CCDC178: variants seen among roughly 807,000 people sequenced by gnomAD.
The protein encoded by CCDC178 is coiled-coil domain-containing protein 178.
In CCDC178, 126 loss-of-function variants were observed where a neutral mutation model predicts 117.4. The ratio of observed to expected loss-of-function variants is 1.07; its 90% CI spans 0.93 to 1.24. The LOEUF is 1.24. Ranked by LOEUF, CCDC178 falls within the 50% of genes most tolerant of loss-of-function variation. The pLI, the probability that CCDC178 is intolerant of heterozygous loss-of-function variation, is 0.00. For missense variants in CCDC178, 1,030 were observed against 986.9 expected (o/e 1.04, Z -0.59); for synonymous variants, 283 against 313.4 (o/e 0.90, Z 1.02).
chr18:33,149,462 C>T (rs1166617505), intron 20 of CCDC178, among the ~76,000 whole-genome samples: 5 of 152,244 alleles, frequency 3.3e-5, no homozygotes, highest in East Asian at 1.9e-4. Context: ...ATCCTTGAAG[C>T]CTTTCCGTAT....
At position 33,436,204 on chromosome 18, in the gene CCDC178, T is replaced by C. The variant is rs549790393; in HGVS notation, c.-23+3758A>G. Among the ~76,000 whole-genome samples the C allele has an allele frequency of 6.6e-4, 100 of 152,214 alleles. 1 individual carries two copies. The highest frequency in any genetic ancestry group is 4.9e-3 in the Admixed American group (75 of 15,292). Reference sequence around the variant, plus strand: ...AGGAGTTGCAACCTGGAGTCAAGTTTCCAAAAAGTACATTAAGACAAAGAC... The same window carrying C: ...AGGAGTTGCAACCTGGAGTCAAGTTCCCAAAAAGTACATTAAGACAAAGAC... On this transcript the variant is annotated intron_variant, in intron 2 of 22. Transcript: ENST00000383096.
chr18:33,434,879 T>G (rs930629761), intron 2 of CCDC178, among the ~76,000 whole-genome samples: 1 of 152,150 alleles, frequency 6.6e-6, no homozygotes, highest in South Asian at 2.1e-4. Context: ...AAAATGTTCT[T>G]TCCCAGTGTC....
chr18:33,353,249 T>C (rs1329047724), intron 7 of CCDC178, among the ~76,000 whole-genome samples: 1 of 152,124 alleles, frequency 6.6e-6, no homozygotes, highest in Non-Finnish European at 1.5e-5. Context: ...ACTATTTGCA[T>C]GGAATATGGT....
At chr18:32,963,543 AAT>A (rs1299822888) in intron 22 of CCDC178, among the ~76,000 whole-genome samples, 2 of 151,962 alleles carry the variant, frequency 1.3e-5, no homozygotes, top group African/African-American at 4.8e-5. Flanking sequence ...ATGCTCTACT[AAT>A]ATAAAATTGT....
At chr18:33,389,504 A>G (rs781196430) in intron 5 of CCDC178, 36 bp downstream of exon 5, 1 of 1,016,766 alleles carries the variant, frequency 9.8e-7, no homozygotes, top group Non-Finnish European at 1.4e-6. Context: ...AATATAGTTT[A>G]TATAGTTTAC....
chr18:33,322,774 T>C (rs1375638381), intron 11 of CCDC178, among the ~76,000 whole-genome samples: 1 of 151,500 alleles, frequency 6.6e-6, no homozygotes, highest in Non-Finnish European at 1.5e-5. Flanking sequence ...TGAGGAAATA[T>C]AAACACCTTA....
intron 20 of CCDC178, among the ~76,000 whole-genome samples, chr18:33,175,981 G>T (rs1033403300): frequency 2.6e-5 from 4 of 151,190 alleles, no homozygotes; most frequent in African/African-American, 7.3e-5. Context: ...TTCTTTAACT[G>T]AAATCTACAT....
chr18:33,033,933 G>GTGTA (rs1555630952), intron 21 of CCDC178, among the ~76,000 whole-genome samples: 38 of 150,774 alleles, frequency 2.5e-4, no homozygotes, highest in Admixed American at 4.0e-4. Context: ...CTGTGTGTGT[G>GTGTA]TATATATATA....
chr18:33,176,437 G>C (rs2058665579), intron 20 of CCDC178, among the ~76,000 whole-genome samples: 1 of 151,562 alleles, frequency 6.6e-6, no homozygotes, highest in Non-Finnish European at 1.5e-5. Flanking sequence ...TTATTTGCTG[G>C]GCCCATCAAG....
At chr18:33,275,488 G>C (rs2059937233) in intron 12 of CCDC178, among the ~76,000 whole-genome samples, 1 of 150,942 alleles carries the variant, frequency 6.6e-6, no homozygotes. Flanking sequence ...CATTGTCATT[G>C]AGGTTCATTT....
At chr18:33,259,493 G>T (rs988290043) in intron 14 of CCDC178, among the ~76,000 whole-genome samples, 2 of 152,152 alleles carry the variant, frequency 1.3e-5, no homozygotes, top group Non-Finnish European at 2.9e-5. Context: ...AATCATAGCG[G>T]AAGGCAAAGG....
intron 3 of CCDC178, among the ~76,000 whole-genome samples, chr18:33,403,579 T>C (rs749483048): frequency 1.3e-5 from 2 of 151,718 alleles, no homozygotes; most frequent in African/African-American, 2.4e-5. Context: ...ACAGTTACAC[T>C]TTGATACATA....
intron 21 of CCDC178, among the ~76,000 whole-genome samples, chr18:33,047,971 A>C (rs772665443): frequency 6.6e-6 from 1 of 152,188 alleles, no homozygotes; most frequent in Non-Finnish European, 1.5e-5. Flanking sequence ...CCTCAAAAAG[A>C]TATGTTGAAG....
rs924386636 is a variant in CCDC178 at position 33,172,049 on chromosome 18, T to C, written c.2238+39847A>G. Among the ~76,000 whole-genome samples, 8 of 152,292 alleles carry C rather than the reference T, an allele frequency of 5.3e-5. No homozygotes were observed. In the East Asian group the frequency reaches 1.5e-3, roughly 29 times the overall value. The stretch of plus-strand genomic sequence containing the variant: ...CCTCAGCCTCCTGAGTAGCTGGGAT[T>C]ACAGGCACAAACTGCCATGCCTGGC... On this transcript the variant is annotated intron_variant, in intron 20 of 22. Coordinates refer to ENST00000383096, the MANE Select transcript of CCDC178 (RefSeq NM_001105528.4).
chr18:32,959,924 AT>A (rs983412610), intron 22 of CCDC178, among the ~76,000 whole-genome samples: 1 of 152,120 alleles, frequency 6.6e-6, no homozygotes, highest in African/African-American at 2.4e-5. Context: ...CTAAGAAAAA[AT>A]CAGAATACAT....
chr18:33,047,995 T>C (rs776017126), intron 21 of CCDC178, among the ~76,000 whole-genome samples: 1 of 152,198 alleles, frequency 6.6e-6, no homozygotes, highest in Non-Finnish European at 1.5e-5. Context: ...TAACCCCCAG[T>C]ACCTCCGACT....
At chr18:33,208,476 C>T (rs1158135614) in intron 20 of CCDC178, among the ~76,000 whole-genome samples, 3 of 151,982 alleles carry the variant, frequency 2.0e-5, no homozygotes, top group African/African-American at 7.2e-5. Context: ...AGTGTGACCG[C>T]TATATTCAAG....
chr18:33,386,549 G>A (rs188678204), intron 5 of CCDC178, among the ~76,000 whole-genome samples: 8 of 152,226 alleles, frequency 5.3e-5, no homozygotes, highest in Non-Finnish European at 1.2e-4. Flanking sequence ...TTCATCCCCA[G>A]GATGCAAGGT....
intron 21 of CCDC178, among the ~76,000 whole-genome samples, chr18:33,019,653 T>C (rs1446094674): frequency 6.6e-6 from 1 of 152,110 alleles, no homozygotes; most frequent in Non-Finnish European, 1.5e-5. Flanking sequence ...AATGTAAGCA[T>C]CTTAAAAACT....
Sources: allele counts gnomAD v4.1 joint callset (sites outside exome capture counted in the v4.1 genomes callset), GRCh38; gene constraint gnomAD v4.1.1; transcripts MANE v1.5; gene names NCBI Gene and HGNC (gene_info 2026-07-23, HGNC 2026-07-21).